Variants in KIF2A observed in about 807,000 individuals in gnomAD.
The protein encoded by KIF2A is kinesin family member 2A.
KIF2A carries 22 observed loss-of-function variants against 100.2 expected under a neutral mutation model. That is an observed-to-expected ratio of 0.22 (90% CI 0.16 to 0.31). The LOEUF is 0.31. Among genes scored for constraint, KIF2A ranks in the 10% least tolerant of loss-of-function variants. The probability of loss-of-function intolerance (pLI) is 1.00; values close to 1 mark genes in which losing one functional copy is unlikely to be tolerated. For synonymous variants in KIF2A, 268 were observed against 285.9 expected, an observed-to-expected ratio of 0.94 and a Z score of 0.63; for missense variants, 495 against 898.7, an observed-to-expected ratio of 0.55 and a Z score of 5.74.
At chr5:62,326,272 A>G (rs568905287) in intron 1 of KIF2A, among the ~76,000 whole-genome samples, 1 of 152,224 alleles carries the variant, frequency 6.6e-6, no homozygotes, top group Non-Finnish European at 1.5e-5. Context: ...CTGTATTTGT[A>G]TTCTGTCTGT....
chr5:62,330,036 T>TTTA (rs1302237807), intron 1 of KIF2A, among the ~76,000 whole-genome samples: 7 of 152,188 alleles, frequency 4.6e-5, no homozygotes, highest in Non-Finnish European at 8.8e-5. Flanking sequence ...GAACCACTAT[T>TTTA]TTATGTACCT....
chr5:62,324,656 C>G (rs1746273380), intron 1 of KIF2A, among the ~76,000 whole-genome samples: 1 of 152,136 alleles, frequency 6.6e-6, no homozygotes, highest in Non-Finnish European at 1.5e-5. Flanking sequence ...TGGGTAGCCA[C>G]ATGTAGAAGA....
intron 9 of KIF2A, among the ~76,000 whole-genome samples, chr5:62,359,746 T>C (rs1278155944): frequency 6.6e-6 from 1 of 152,198 alleles, no homozygotes; most frequent in Non-Finnish European, 1.5e-5. Context: ...ACTTTATCAA[T>C]ATTTATCCTT....
intron 16 of KIF2A, among the ~76,000 whole-genome samples, chr5:62,369,380 G>A (rs1450466965): frequency 2.0e-5 from 3 of 152,178 alleles, no homozygotes. Flanking sequence ...AAGGAGAAGT[G>A]CCAAGCAAAC....
In KIF2A at chr5:62,381,260, C is replaced by G; in HGVS notation, c.2149+7C>G. 6.2e-7 allele frequency: 1 copy of G among 1,610,500 alleles called. No individual in the cohort carries two copies. The highest frequency in any genetic ancestry group is 8.5e-7 in the Non-Finnish European group (1 of 1,177,368). The stretch of plus-strand genomic sequence containing the variant: ...ATTTTAACTGAACTGCGGGGTAATT[C>G]TTTTTCCATTTTAATGTTTGAAATC... On this transcript the variant is annotated splice_region_variant and intron_variant, in intron 20 of 20. Transcript: ENST00000407818.
chr5:62,308,645 A>G (rs1745422845), intron 1 of KIF2A: 10 of 679,688 alleles, frequency 1.5e-5, no homozygotes, highest in Admixed American at 1.0e-4. Flanking sequence ...GACCTGAAGG[A>G]CGTTATGTTA....
At chr5:62,318,893 C>G (rs1490129504) in intron 1 of KIF2A, among the ~76,000 whole-genome samples, 1 of 152,148 alleles carries the variant, frequency 6.6e-6, no homozygotes, top group African/African-American at 2.4e-5. Context: ...CAAAATTGAA[C>G]CCATCACCCC....
chr5:62,348,184 C>T lies in KIF2A; in HGVS notation c.279+17C>T. On this transcript the variant is annotated intron_variant, in intron 3 of 20. Transcript: ENST00000407818. ...ATTGTAAAGGTTAGTGATGAAAATT[C>T]AGAGTGCAGGACACTGGGAGAGAGC... 1 of 1,612,848 alleles carries T rather than the reference C, an allele frequency of 6.2e-7. No individual in the cohort carries two copies. Among genetic ancestry groups the T allele is most frequent in the Non-Finnish European group, 8.5e-7 (1 of 1,179,244 alleles).
Position 62,389,485 on chromosome 5 carries a change from CAA to C in KIF2A, c.*3931_*3932del, listed in dbSNP as rs775533413. Reference sequence around the variant, plus strand: ...TGGGTGACAGAGCAAGACTCTGTCTCAAAAAAAAAAAAAAAAGAAATGTTATT... The same window carrying C: ...TGGGTGACAGAGCAAGACTCTGTCTCAAAAAAAAAAAAAAGAAATGTTATT... On this transcript the variant is annotated 3_prime_UTR_variant, in exon 21 of 21. Transcript: ENST00000407818. Among the ~76,000 whole-genome samples, 27 of 75,864 alleles carry C rather than the reference CAA, an allele frequency of 3.6e-4. No homozygotes were observed. The highest frequency in any genetic ancestry group is 5.1e-4 in the African/African-American group (9 of 17,522). The allele number at this position is 75,864 out of a possible 152,430, so 49.8% of individuals were successfully genotyped here. A position where few individuals can be genotyped will look rare whatever the true frequency, so the allele number is the denominator to read the frequency against.
intron 1 of KIF2A, among the ~76,000 whole-genome samples, chr5:62,317,924 T>C (rs1234467420): frequency 7.1e-6 from 1 of 141,612 alleles, no homozygotes. Context: ...TTAAACTCTC[T>C]TGCTCACAAG....
At chr5:62,312,248 G>A (rs1030854793) in intron 1 of KIF2A, among the ~76,000 whole-genome samples, 1 of 152,204 alleles carries the variant, frequency 6.6e-6, no homozygotes, top group Non-Finnish European at 1.5e-5. Context: ...TCTGGGGAAA[G>A]GCTATGTGTC....
intron 1 of KIF2A, among the ~76,000 whole-genome samples, chr5:62,337,267 G>A (rs540391158): frequency 3.9e-5 from 6 of 152,096 alleles, no homozygotes; most frequent in Non-Finnish European, 7.4e-5. Context: ...CAAGGTGGGC[G>A]GATCACCTGA....
intron 1 of KIF2A, among the ~76,000 whole-genome samples, chr5:62,328,319 G>GT (rs1170917154): frequency 3.0e-4 from 14 of 46,134 alleles, no homozygotes; most frequent in South Asian, 7.4e-4. Context: ...AGTACTGTGT[G>GT]GTTTTTTTTT....
chr5:62,333,567 A>G (rs1364581163), intron 1 of KIF2A, among the ~76,000 whole-genome samples: 2 of 152,184 alleles, frequency 1.3e-5, no homozygotes, highest in African/African-American at 4.8e-5. Flanking sequence ...CCTCGAGGAA[A>G]TGATAATGGA....
Position 62,377,857 on chromosome 5 carries a change from A to G in KIF2A, c.2013+95A>G. 7.0e-6 allele frequency: 5 copies of G among 711,514 alleles called. No individual in the cohort carries two copies. The South Asian group carries it at 1.2e-4, about 16-fold the overall frequency. 44.1% of individuals were successfully genotyped at this position (711,514 alleles called of 1,614,324 possible). ...AATATCACACTATTCCTTAAAAAAT[A>G]CTTGTTTGTATATATGTATATGTGT... On this transcript the variant is annotated intron_variant, in intron 19 of 20. Coordinates refer to ENST00000407818, the MANE Select transcript of KIF2A (RefSeq NM_001098511.3).
At chr5:62,311,183 C>G (rs1164729197) in intron 1 of KIF2A, among the ~76,000 whole-genome samples, 1 of 152,132 alleles carries the variant, frequency 6.6e-6, no homozygotes, top group Non-Finnish European at 1.5e-5. Context: ...CAGCCAGGAA[C>G]CTGACATGCT....
In KIF2A at chr5:62,306,431, G is replaced by C. The variant is rs1429488845; in HGVS notation, c.-42G>C. 1 of 1,434,612 alleles carries C rather than the reference G, an allele frequency of 7.0e-7. No homozygotes were observed. 88.9% of individuals were successfully genotyped at this position (1,434,612 alleles called of 1,614,324 possible). On this transcript the variant is annotated 5_prime_UTR_variant, in exon 1 of 21. Transcript: ENST00000407818. ...CCCTCCCCGCCTTTTCCGCCCTCCG[G>C]TCCCCCTCCCTCGGCCCGCTGCTGC...
At position 62,306,422 on chromosome 5, in the gene KIF2A, C is replaced by A; in HGVS notation, c.-51C>A. On this transcript the variant is annotated 5_prime_UTR_variant, in exon 1 of 21. Transcript: ENST00000407818. ...TACCCCGCCCCCTCCCCGCCTTTTCCGCCCTCCGGTCCCCCTCCCTCGGCC... is the reference window on the plus strand; with the variant it reads ...TACCCCGCCCCCTCCCCGCCTTTTCAGCCCTCCGGTCCCCCTCCCTCGGCC... 1 of 1,272,282 alleles carries A rather than the reference C, an allele frequency of 7.9e-7. No homozygotes were observed. Among genetic ancestry groups the A allele is most frequent in the Non-Finnish European group, 1.1e-6 (1 of 907,278 alleles). The allele number at this position is 1,272,282 out of a possible 1,614,324, so 78.8% of individuals were successfully genotyped here.
chr5:62,387,023 T>C lies in KIF2A; in HGVS notation c.*1454T>C, dbSNP rs1358750249. ...CTTCACAGGAGCCAAAGGGGAGCTA[T>C]GAATAGAGGGTCACATGAGCCAGAT... On this transcript the variant is annotated 3_prime_UTR_variant, in exon 21 of 21. Coordinates refer to ENST00000407818, the MANE Select transcript of KIF2A (RefSeq NM_001098511.3). Among the ~76,000 whole-genome samples, 1 of 152,198 alleles carries C rather than the reference T, an allele frequency of 6.6e-6. No individual in the cohort carries two copies. Among genetic ancestry groups the C allele is most frequent in the Non-Finnish European group, 1.5e-5 (1 of 68,022 alleles).
Sources: allele counts gnomAD v4.1 joint callset (sites outside exome capture counted in the v4.1 genomes callset), GRCh38; gene constraint gnomAD v4.1.1; transcripts MANE v1.5; gene names NCBI Gene and HGNC (gene_info 2026-07-23, HGNC 2026-07-21).